SNX29: variants seen among roughly 807,000 people sequenced by gnomAD.
SNX29 encodes sorting nexin-29.
In SNX29, 78 loss-of-function variants were observed where a neutral mutation model predicts 102.1. That is an observed-to-expected ratio of 0.76 (90% CI 0.64 to 0.92). SNX29 has a LOEUF of 0.92. Ranked by LOEUF, SNX29 falls within the 40% of genes least tolerant of loss-of-function variation. The pLI is 0.00. For synonymous variants in SNX29, 580 were observed against 414.5 expected (o/e 1.40, Z -4.85); for missense variants, 1,280 against 1,061.7 (o/e 1.21, Z -2.86).
At chr16:12,101,335 C>A (rs1275573119) in intron 11 of SNX29, among the ~76,000 whole-genome samples, 1 of 140,524 alleles carries the variant, frequency 7.1e-6, no homozygotes, top group Non-Finnish European at 1.5e-5. Context: ...GAACCTTTAG[C>A]ATCTCTCTCA....
chr16:12,236,616 G>A (rs2077941978), intron 14 of SNX29, among the ~76,000 whole-genome samples: 1 of 152,180 alleles, frequency 6.6e-6, no homozygotes, highest in Admixed American at 6.5e-5. Context: ...CATGCTGACT[G>A]CTGTCACTAC....
Position 11,990,876 on chromosome 16 carries a change from C to T in SNX29, c.8-8421C>T, listed in dbSNP as rs2055822353. 1.3e-5 allele frequency among the ~76,000 whole-genome samples: 2 copies of T among 152,324 alleles called. 1 individual carries two copies. Among genetic ancestry groups the T allele is most frequent in the South Asian group, 4.1e-4 (2 of 4,824 alleles). ...CGACACTATTGTTTTAATTTTTAAC[C>T]TGCCAGCCTTCATTATTTCTGCCAG... On this transcript the variant is annotated intron_variant, in intron 1 of 20. Transcript: ENST00000566228.
At chr16:12,162,352 T>G (rs2055823963) in intron 13 of SNX29, among the ~76,000 whole-genome samples, 1 of 152,230 alleles carries the variant, frequency 6.6e-6, no homozygotes, top group Non-Finnish European at 1.5e-5. Flanking sequence ...GTTGGCTGAC[T>G]GGGCTTGTCC....
At chr16:12,142,405 G>A (rs867891963) in intron 13 of SNX29, among the ~76,000 whole-genome samples, 22 of 152,186 alleles carry the variant, frequency 1.4e-4, no homozygotes, top group Middle Eastern at 6.8e-3. Flanking sequence ...CAGCCAAGGA[G>A]CGTTGAGTGC....
At chr16:12,132,567 G>T (rs1289720515) in intron 13 of SNX29, among the ~76,000 whole-genome samples, 2 of 152,222 alleles carry the variant, frequency 1.3e-5, no homozygotes, top group Non-Finnish European at 1.5e-5. Flanking sequence ...GGCTGAATGA[G>T]GAGGAAAAGA....
intron 11 of SNX29, among the ~76,000 whole-genome samples, chr16:12,116,206 C>G (rs1010020423): frequency 1.1e-4 from 16 of 152,204 alleles, no homozygotes; most frequent in African/African-American, 3.9e-4. Flanking sequence ...TCTAGGTACA[C>G]ATCCAAAAGA....
intron 18 of SNX29, among the ~76,000 whole-genome samples, chr16:12,418,655 C>T (rs1357502469): frequency 6.6e-6 from 1 of 152,148 alleles, no homozygotes; most frequent in Non-Finnish European, 1.5e-5. Context: ...GCTGGGATTA[C>T]AGGTGCCTGC....
At chr16:11,987,915 A>T (rs1194325309) in intron 1 of SNX29, among the ~76,000 whole-genome samples, 1 of 152,212 alleles carries the variant, frequency 6.6e-6, no homozygotes, top group Non-Finnish European at 1.5e-5. Context: ...ATCGCTTTTC[A>T]GAACTTACTG....
At chr16:12,558,931 G>A (rs554355557) in intron 20 of SNX29, among the ~76,000 whole-genome samples, 2 of 152,340 alleles carry the variant, frequency 1.3e-5, no homozygotes, top group East Asian at 3.9e-4. Context: ...AATCTCATAG[G>A]TGGGTTGATA....
chr16:12,499,924 G>A (rs1002415704), intron 19 of SNX29, among the ~76,000 whole-genome samples: 4 of 152,164 alleles, frequency 2.6e-5, no homozygotes, highest in Non-Finnish European at 5.9e-5. Context: ...GGATCCACCT[G>A]CCTCAGTCTC....
At chr16:12,527,859 C>A (rs1402990350) in intron 20 of SNX29, among the ~76,000 whole-genome samples, 1 of 146,234 alleles carries the variant, frequency 6.8e-6, no homozygotes, top group East Asian at 2.0e-4. Context: ...AAGTCTCGCT[C>A]TGTCGGCCAA....
At chr16:12,567,424 G>A (rs564023579) in intron 20 of SNX29, among the ~76,000 whole-genome samples, 4 of 152,340 alleles carry the variant, frequency 2.6e-5, no homozygotes, top group South Asian at 2.1e-4. Context: ...ATAGTAGGCA[G>A]AGTAAGAACA....
At chr16:11,991,506 A>G (rs543430412) in intron 1 of SNX29, among the ~76,000 whole-genome samples, 7 of 152,016 alleles carry the variant, frequency 4.6e-5, no homozygotes, top group South Asian at 2.1e-4. Context: ...TTTTATAAAA[A>G]TATAAATATA....
At chr16:12,054,134 AT>A (rs2050422676) in intron 8 of SNX29, among the ~76,000 whole-genome samples, 1 of 151,934 alleles carries the variant, frequency 6.6e-6, no homozygotes, top group South Asian at 2.1e-4. Flanking sequence ...CGCCCGGCTA[AT>A]TTTTGTATTT....
intron 20 of SNX29, among the ~76,000 whole-genome samples, chr16:12,550,403 T>TG (rs1447913718): frequency 2.0e-5 from 3 of 151,924 alleles, no homozygotes; most frequent in Non-Finnish European, 2.9e-5. Flanking sequence ...GGCATGGTGG[T>TG]GCACGCCTGT....
intron 13 of SNX29, 106 bp downstream of exon 13, chr16:12,129,864 G>T: frequency 7.3e-7 from 1 of 1,362,844 alleles, no homozygotes; most frequent in East Asian, 2.7e-5. Context: ...CAGCACTTTG[G>T]GAGGCCAAGG....
In SNX29 at chr16:12,308,013, C is replaced by G. The variant is rs189083054; in HGVS notation, c.1782+29977C>G. On this transcript the variant is annotated intron_variant, in intron 15 of 20. Coordinates refer to ENST00000566228, the MANE Select transcript of SNX29 (RefSeq NM_032167.5). ...TGTGTTAGCCACTGAACCCATCCCTCATTCTGCCTTCATGGTGCTCATATG... is the reference window on the plus strand; with the variant it reads ...TGTGTTAGCCACTGAACCCATCCCTGATTCTGCCTTCATGGTGCTCATATG... Among the ~76,000 whole-genome samples, 265 of 152,350 alleles carry G rather than the reference C, an allele frequency of 1.7e-3. 2 individuals carry two copies. Among genetic ancestry groups the G allele is most frequent in the African/African-American group, 6.1e-3 (255 of 41,584 alleles).
intron 4 of SNX29, among the ~76,000 whole-genome samples, chr16:12,028,125 G>T (rs941114019): frequency 2.6e-5 from 4 of 152,282 alleles, no homozygotes; most frequent in Non-Finnish European, 4.4e-5. Context: ...TTCCAGCCCT[G>T]ACCACGGCTG....
At chr16:12,118,091 T>A (rs1567222401) in intron 11 of SNX29, among the ~76,000 whole-genome samples, 2 of 152,004 alleles carry the variant, frequency 1.3e-5, no homozygotes, top group African/African-American at 2.4e-5. Flanking sequence ...AGCGAGACTC[T>A]GTCTCAAAAA....
Sources: allele counts gnomAD v4.1 joint callset (sites outside exome capture counted in the v4.1 genomes callset), GRCh38; gene constraint gnomAD v4.1.1; transcripts MANE v1.5; gene names NCBI Gene and HGNC (gene_info 2026-07-23, HGNC 2026-07-21).